CPEB3: variants seen among roughly 807,000 people sequenced by gnomAD.
CPEB3 encodes the protein cytoplasmic polyadenylation element-binding protein 3.
In CPEB3, 20 loss-of-function variants were observed where a neutral mutation model predicts 67.2. That is an observed-to-expected ratio of 0.30 (90% CI 0.21 to 0.43). CPEB3 has a LOEUF of 0.43. Among genes scored for constraint, CPEB3 ranks in the 20% least tolerant of loss-of-function variants. The probability of loss-of-function intolerance (pLI) is 1.00; values close to 1 mark genes in which losing one functional copy is unlikely to be tolerated. For missense variants in CPEB3, 746 were observed against 968.6 expected, an observed-to-expected ratio of 0.77 and a Z score of 3.05; for synonymous variants, 376 against 393.1, an observed-to-expected ratio of 0.96 and a Z score of 0.51.
rs566200225 is a variant in CPEB3, at chr10:92,175,624, G to A, written c.1222+5339C>T. On this transcript the variant is annotated intron_variant, in intron 4 of 9. Coordinates refer to ENST00000265997, the MANE Select transcript of CPEB3 (RefSeq NM_014912.5). Reference sequence around the variant, plus strand: ...GATATTTAACAACTGAGAAAGGCCAGTAGGATCCAAAGACAGTGCACATTT... The same window carrying A: ...GATATTTAACAACTGAGAAAGGCCAATAGGATCCAAAGACAGTGCACATTT... 3.5e-4 allele frequency among the ~76,000 whole-genome samples: 53 copies of A among 152,240 alleles called. 1 individual carries two copies. The highest frequency in any genetic ancestry group is 2.4e-3 in the Admixed American group (36 of 15,286).
chr10:92,206,544 T>C (rs1488537713), intron 2 of CPEB3, among the ~76,000 whole-genome samples: 1 of 152,174 alleles, frequency 6.6e-6, no homozygotes, highest in East Asian at 1.9e-4. Flanking sequence ...TCCTCTCAAA[T>C]ACTAGGACTT....
intron 2 of CPEB3, among the ~76,000 whole-genome samples, chr10:92,235,620 A>G (rs1851493934): frequency 6.6e-6 from 1 of 152,256 alleles, no homozygotes; most frequent in African/African-American, 2.4e-5. Flanking sequence ...GCCAAAAACT[A>G]ATATTATTCC....
intron 4 of CPEB3, among the ~76,000 whole-genome samples, chr10:92,176,884 G>C (rs1262764081): frequency 6.6e-6 from 1 of 152,230 alleles, no homozygotes; most frequent in Middle Eastern, 3.2e-3. Flanking sequence ...CAAGCCACAT[G>C]TGGCCCAAGA....
intron 1 of CPEB3, among the ~76,000 whole-genome samples, chr10:92,277,628 T>C (rs1466138659): frequency 6.6e-6 from 1 of 152,168 alleles, no homozygotes; most frequent in Non-Finnish European, 1.5e-5. Flanking sequence ...CAGTGGCTCA[T>C]GCCCGTAATC....
At chr10:92,276,341 C>T (rs540474889) in intron 1 of CPEB3, among the ~76,000 whole-genome samples, 4 of 146,064 alleles carry the variant, frequency 2.7e-5, no homozygotes, top group East Asian at 4.1e-4. Context: ...TGCAATGGCA[C>T]GATCTCGGGT....
intron 2 of CPEB3, among the ~76,000 whole-genome samples, chr10:92,217,881 A>T (rs1850508448): frequency 6.6e-6 from 1 of 152,232 alleles, no homozygotes; most frequent in South Asian, 2.1e-4. Context: ...ACTTTGTGAA[A>T]CTGAGGCAGT....
At chr10:92,201,547 A>G (rs1849526141) in intron 2 of CPEB3, among the ~76,000 whole-genome samples, 1 of 152,014 alleles carries the variant, frequency 6.6e-6, no homozygotes, top group Admixed American at 6.6e-5. Context: ...CAAACAAACA[A>G]ACAAACAAAA....
chr10:92,145,137 T>C (rs1461424055), intron 4 of CPEB3, 52 bp from the exon 5 acceptor site: 2 of 1,600,082 alleles, frequency 1.2e-6, no homozygotes, highest in East Asian at 4.5e-5. Flanking sequence ...GGAGTTTCTA[T>C]AATTAAAATG....
chr10:92,272,458 TTAGA>T (rs1285324339), intron 1 of CPEB3, among the ~76,000 whole-genome samples: 1 of 152,200 alleles, frequency 6.6e-6, no homozygotes, highest in Non-Finnish European at 1.5e-5. Flanking sequence ...TGCCCTCTCA[TTAGA>T]TAGAGTTAGA....
chr10:92,276,479 A>G (rs1001938942), intron 1 of CPEB3, among the ~76,000 whole-genome samples: 4 of 150,882 alleles, frequency 2.7e-5, no homozygotes, highest in Non-Finnish European at 4.4e-5. Context: ...AGGTTTCGCC[A>G]TGTTGGCCAG....
intron 6 of CPEB3, among the ~76,000 whole-genome samples, chr10:92,135,094 AT>A (rs1846028944): frequency 6.6e-6 from 1 of 152,244 alleles, no homozygotes; most frequent in South Asian, 2.1e-4. Context: ...CATTCAGGAC[AT>A]AGGCATGGGC....
At chr10:92,066,663 G>A (rs895897451) in intron 9 of CPEB3, among the ~76,000 whole-genome samples, 5 of 152,122 alleles carry the variant, frequency 3.3e-5, no homozygotes, top group Admixed American at 2.0e-4. Flanking sequence ...AAAAACCACC[G>A]TAACCTCATT....
At chr10:92,101,092 T>C (rs1481901828) in intron 7 of CPEB3, among the ~76,000 whole-genome samples, 1 of 152,176 alleles carries the variant, frequency 6.6e-6, no homozygotes, top group Admixed American at 6.5e-5. Flanking sequence ...TCCTACTGCA[T>C]AGGATTTCAT....
At chr10:92,184,882 T>C (rs3781230) in intron 3 of CPEB3, among the ~76,000 whole-genome samples, 53,779 of 152,056 alleles carry the variant, frequency 0.35, 10,746 homozygotes, top group African/African-American at 0.53. Context: ...GATTTACAGT[T>C]TTCCACGTTA....
At chr10:92,194,524 C>T (rs761966542) in intron 2 of CPEB3, among the ~76,000 whole-genome samples, 1 of 152,004 alleles carries the variant, frequency 6.6e-6, no homozygotes, top group Non-Finnish European at 1.5e-5. Context: ...GTCCAAAGTA[C>T]GAAAATTACC....
Position 92,266,702 on chromosome 10 carries a change from A to T in CPEB3, c.-12+24224T>A, listed in dbSNP as rs545911076. On this transcript the variant is annotated intron_variant, in intron 1 of 9. Transcript: ENST00000265997. ...GTATAAAAGCGCTAGAAAGAACAAA[A>T]GGGTGATGTGACTGACAGATCTGGT... 2.0e-5 allele frequency among the ~76,000 whole-genome samples: 3 copies of T among 152,292 alleles called. No individual in the cohort carries two copies. The South Asian group carries it at 6.2e-4, about 32-fold the overall frequency.
intron 2 of CPEB3, among the ~76,000 whole-genome samples, chr10:92,223,995 G>A (rs757116406): frequency 1.3e-5 from 2 of 152,116 alleles, no homozygotes; most frequent in Non-Finnish European, 2.9e-5. Flanking sequence ...TCCAACTCCT[G>A]ACCTTGTGAT....
chr10:92,133,312 C>T (rs186268852), intron 6 of CPEB3, among the ~76,000 whole-genome samples: 2,455 of 151,900 alleles, frequency 0.016, 65 homozygotes, highest in African/African-American at 0.057. Flanking sequence ...ATCAAATAGA[C>T]GCAATAAAAA....
At chr10:92,102,607 AT>A (rs1235438423) in intron 7 of CPEB3, among the ~76,000 whole-genome samples, 60 of 152,364 alleles carry the variant, frequency 3.9e-4, no homozygotes, top group Middle Eastern at 3.4e-3. Flanking sequence ...ATACTGTTTC[AT>A]AAGGGCACTC....
Sources: allele counts gnomAD v4.1 joint callset (sites outside exome capture counted in the v4.1 genomes callset), GRCh38; gene constraint gnomAD v4.1.1; transcripts MANE v1.5; gene names NCBI Gene and HGNC (gene_info 2026-07-23, HGNC 2026-07-21).